Variants in RIMS2 observed in about 807,000 individuals in gnomAD.
The protein encoded by RIMS2 is regulating synaptic membrane exocytosis 2.
A neutral mutation model predicts 174.4 loss-of-function variants in RIMS2; 59 were observed. The observed-to-expected ratio is 0.34, with a 90% CI of 0.27 to 0.42. The LOEUF is 0.42. Among genes scored for constraint, RIMS2 ranks in the 10% least tolerant of loss-of-function variants. RIMS2 has a pLI of 1.00. For missense variants in RIMS2, 1,620 were observed against 1,666.3 expected (o/e 0.97, Z 0.48); for synonymous variants, 606 against 572.5 (o/e 1.06, Z -0.84).
chr8:103,506,102 A>C (rs1252872752), intron 1 of RIMS2, among the ~76,000 whole-genome samples: 1 of 152,148 alleles, frequency 6.6e-6, no homozygotes, highest in African/African-American at 2.4e-5. Context: ...TAAAAATTGC[A>C]TATGTAAACC....
intron 19 of RIMS2, among the ~76,000 whole-genome samples, chr8:104,161,036 A>T (rs553561063): frequency 1.3e-5 from 2 of 152,318 alleles, no homozygotes; most frequent in African/African-American, 4.8e-5. Flanking sequence ...TGTAAAAATT[A>T]TGGACTCTAT....
At chr8:103,868,443 A>T (rs1376568473) in intron 3 of RIMS2, among the ~76,000 whole-genome samples, 1 of 152,140 alleles carries the variant, frequency 6.6e-6, no homozygotes, top group African/African-American at 2.4e-5. Flanking sequence ...TGAACTATAA[A>T]CATTTTTTGT....
Position 104,013,623 on chromosome 8 carries a change from T to G in RIMS2, c.3224+2T>G. 6.2e-7 allele frequency: 1 copy of G among 1,612,578 alleles called. No homozygotes were observed. The highest frequency in any genetic ancestry group is 8.5e-7 in the Non-Finnish European group (1 of 1,178,980). On this transcript the variant is annotated splice_donor_variant, in intron 18 of 23. Transcript: ENST00000504942. LOFTEE classifies it high-confidence loss of function. Reference sequence around the variant, plus strand: ...CCCTCCTTCACCTGCCTTATCGAGGTGAAAGATAAATCAATCAGACTAATT... The same window carrying G: ...CCCTCCTTCACCTGCCTTATCGAGGGGAAAGATAAATCAATCAGACTAATT...
chr8:104,149,625 A>C (rs1406189292), intron 19 of RIMS2, among the ~76,000 whole-genome samples: 1 of 152,208 alleles, frequency 6.6e-6, no homozygotes, highest in Non-Finnish European at 1.5e-5. Context: ...CATATCTTCT[A>C]CTTGACAAAC....
At chr8:103,746,479 G>A (rs943030605) in intron 2 of RIMS2, among the ~76,000 whole-genome samples, 8 of 152,068 alleles carry the variant, frequency 5.3e-5, no homozygotes, top group Non-Finnish European at 1.2e-4. Flanking sequence ...AGGTTCAGGG[G>A]TACATGTTCA....
chr8:103,961,428 A>C (rs1267338462), intron 15 of RIMS2, among the ~76,000 whole-genome samples: 1 of 152,118 alleles, frequency 6.6e-6, no homozygotes, highest in African/African-American at 2.4e-5. Flanking sequence ...GCATAATCAG[A>C]CTTTTTTATA....
intron 1 of RIMS2, among the ~76,000 whole-genome samples, chr8:103,503,364 A>T (rs1563554668): frequency 6.6e-6 from 1 of 151,970 alleles, no homozygotes; most frequent in Non-Finnish European, 1.5e-5. Flanking sequence ...TATAGTAATG[A>T]GAGACAAATC....
intron 19 of RIMS2, among the ~76,000 whole-genome samples, chr8:104,130,507 G>A (rs541784920): frequency 1.3e-5 from 2 of 152,222 alleles, no homozygotes; most frequent in East Asian, 3.9e-4. Flanking sequence ...AAGAGGATTG[G>A]GGGACCTACT....
chr8:104,049,790 C>G (rs1476376888), intron 19 of RIMS2, among the ~76,000 whole-genome samples: 1 of 152,164 alleles, frequency 6.6e-6, no homozygotes, highest in African/African-American at 2.4e-5. Context: ...TAGTCTACCA[C>G]TTTTCTCATT....
chr8:103,500,754 G>A, exon 1 of RIMS2: 1 of 556,080 alleles, frequency 1.8e-6, no homozygotes, highest in South Asian at 2.4e-5. Flanking sequence ...GGGGGCTGTC[G>A]CCTTGGATTG....
chr8:104,251,194 A>G (rs2099357982), intron 23 of RIMS2, 31 bp downstream of exon 29: 1 of 1,564,190 alleles, frequency 6.4e-7, no homozygotes, highest in African/African-American at 1.4e-5. Flanking sequence ...CCCTTACCTA[A>G]GAAAGTATTT....
intron 19 of RIMS2, among the ~76,000 whole-genome samples, chr8:104,115,574 G>A (rs930350628): frequency 1.3e-5 from 2 of 152,044 alleles, no homozygotes; most frequent in Non-Finnish European, 2.9e-5. Context: ...TCAAGATAAC[G>A]GATTTCTTCT....
intron 19 of RIMS2, among the ~76,000 whole-genome samples, chr8:104,185,967 A>G (rs771269295): frequency 6.6e-6 from 1 of 151,730 alleles, no homozygotes; most frequent in Admixed American, 6.6e-5. Context: ...TAGAAAAGAT[A>G]TAGAATCAAC....
chr8:104,045,966 G>T (rs1307170064), intron 19 of RIMS2, among the ~76,000 whole-genome samples: 4 of 151,936 alleles, frequency 2.6e-5, no homozygotes, highest in Non-Finnish European at 5.9e-5. Flanking sequence ...TTAGCTAAGT[G>T]AAACTTCTAA....
At chr8:103,856,276 T>A (rs1413825633) in intron 3 of RIMS2, among the ~76,000 whole-genome samples, 1 of 152,202 alleles carries the variant, frequency 6.6e-6, no homozygotes, top group Non-Finnish European at 1.5e-5. Flanking sequence ...TAAATCTTAA[T>A]TTACTTTGCG....
intron 1 of RIMS2, among the ~76,000 whole-genome samples, chr8:103,566,740 A>T (rs1198211164): frequency 6.6e-6 from 1 of 152,136 alleles, no homozygotes; most frequent in East Asian, 1.9e-4. Context: ...ATATCCTTGT[A>T]CTGATTATTC....
chr8:103,580,825 C>CT (rs61559970), intron 1 of RIMS2, among the ~76,000 whole-genome samples: 6,662 of 113,168 alleles, frequency 0.059, 584 homozygotes, highest in African/African-American at 0.15. Context: ...AAAGGGAATA[C>CT]TTTTTTTTTT....
chr8:103,938,012 C>T (rs1283525893), intron 13 of RIMS2, among the ~76,000 whole-genome samples: 2 of 151,912 alleles, frequency 1.3e-5, no homozygotes, highest in Admixed American at 6.6e-5. Context: ...CCATGCCCAG[C>T]TAATTTTGTT....
intron 2 of RIMS2, 27 bp from the exon 6 acceptor site, chr8:103,766,200 T>A: frequency 5.9e-6 from 9 of 1,516,416 alleles, no homozygotes; most frequent in Non-Finnish European, 7.1e-6. Flanking sequence ...GAACACTAAT[T>A]TTTTCCCCCT....
Sources: allele counts gnomAD v4.1 joint callset (sites outside exome capture counted in the v4.1 genomes callset), GRCh38; gene constraint gnomAD v4.1.1; transcripts MANE v1.5; gene names NCBI Gene and HGNC (gene_info 2026-07-23, HGNC 2026-07-21).